The following ATP8B4 variants were observed in gnomAD, a reference collection of about 807,000 sequenced individuals.
ATP8B4 encodes the protein ATPase phospholipid transporting 8B4 (putative).
Under a neutral mutation model 145.6 loss-of-function variants are expected in ATP8B4, and 133 were observed. That is an observed-to-expected ratio of 0.91 (90% CI 0.79 to 1.05). The LOEUF is 1.05. ATP8B4 is among the 50% of genes least tolerant of loss of function. The pLI is 0.00. For synonymous variants in ATP8B4, 507 were observed against 492.9 expected (o/e 1.03, Z -0.38); for missense variants, 1,458 against 1,425.2 (o/e 1.02, Z -0.37).
In ATP8B4 at chr15:49,860,433, T is replaced by C. The variant is rs1012401339; in HGVS notation, c.3340A>G (p.Ser1114Gly). The C allele has an allele frequency of 6.2e-7, 1 of 1,613,612 alleles. No individual in the cohort carries two copies. Among genetic ancestry groups the C allele is most frequent in the Non-Finnish European group, 8.5e-7 (1 of 1,179,878 alleles). The part of the protein sequence containing the change: ...QKAQKKARPP[S>G]SRRPRTRRSS... ...CTGCGGGTCCGAGGCCTTCGGCTAC[T>C]TGGAGGCCTTGCCTTCTTTTGAGCC... is the stretch of plus-strand genomic sequence containing the variant. Residue 1114 changes from serine to glycine, a missense_variant, in exon 28 of 28, where the codon AGT becomes GGT. Physicochemically the swap from Ser to Gly is moderately conservative, Grantham distance 56. Coordinates refer to ENST00000284509, the MANE Select transcript of ATP8B4 (RefSeq NM_024837.4).
intron 14 of ATP8B4, among the ~76,000 whole-genome samples, chr15:49,951,240 GCTGAATATC>G (rs2043074411): frequency 6.6e-6 from 1 of 152,146 alleles, no homozygotes; most frequent in Non-Finnish European, 1.5e-5. Flanking sequence ...GAGTTCAAGT[GCTGAATATC>G]CTTGGTAATT....
At chr15:49,880,428 G>A (rs2035208611) in intron 23 of ATP8B4, 1 of 152,250 alleles carries the variant, frequency 6.6e-6, no homozygotes, top group African/African-American at 2.4e-5. Context: ...TGGCCCAGTT[G>A]GGTAGAGCAG....
intron 1 of ATP8B4, among the ~76,000 whole-genome samples, chr15:50,163,568 C>G (rs2044552138): frequency 6.6e-6 from 1 of 152,238 alleles, no homozygotes; most frequent in Non-Finnish European, 1.5e-5. Context: ...AGAGACTGAA[C>G]TGGGTTGGTC....
At chr15:50,086,099 TAATAA>T (rs1208251957) in intron 2 of ATP8B4, among the ~76,000 whole-genome samples, 2 of 113,986 alleles carry the variant, frequency 1.8e-5, no homozygotes, top group Non-Finnish European at 3.2e-5. Context: ...TTATTATATA[TAATAA>T]AATAAATATA....
intron 23 of ATP8B4, among the ~76,000 whole-genome samples, chr15:49,888,378 G>T (rs1222199614): frequency 6.6e-6 from 1 of 151,984 alleles, no homozygotes; most frequent in Non-Finnish European, 1.5e-5. Context: ...CAGAACTAAA[G>T]TTTTTCCAGC....
At chr15:49,914,831 T>C (rs1035552578) in intron 20 of ATP8B4, among the ~76,000 whole-genome samples, 4 of 152,028 alleles carry the variant, frequency 2.6e-5, no homozygotes, top group Non-Finnish European at 5.9e-5. Context: ...CAGATGCTGG[T>C]AAAGGGAGCT....
chr15:49,961,581 T>C (rs574663982), intron 14 of ATP8B4, among the ~76,000 whole-genome samples: 2 of 152,184 alleles, frequency 1.3e-5, no homozygotes, highest in Non-Finnish European at 2.9e-5. Flanking sequence ...AACATCAATA[T>C]AACAAAATAC....
chr15:49,987,344 T>G, intron 10 of ATP8B4, 47 bp downstream of exon 10: 8 of 1,588,900 alleles, frequency 5.0e-6, no homozygotes, highest in African/African-American at 1.3e-5. Context: ...CTGGTGTACG[T>G]TGCAGGAAAG....
chr15:49,882,930 T>C (rs1053821042), intron 23 of ATP8B4, among the ~76,000 whole-genome samples: 2 of 152,204 alleles, frequency 1.3e-5, no homozygotes, highest in African/African-American at 2.4e-5. Flanking sequence ...TTACCAATGA[T>C]AAAAAATTTA....
At chr15:50,031,785 C>T (rs1287967008) in intron 6 of ATP8B4, among the ~76,000 whole-genome samples, 1 of 151,892 alleles carries the variant, frequency 6.6e-6, no homozygotes, top group East Asian at 1.9e-4. Flanking sequence ...ATGCCTCTAA[C>T]CTGGAAGTAC....
chr15:50,068,025 T>G (rs2053496576), intron 3 of ATP8B4, among the ~76,000 whole-genome samples: 1 of 152,146 alleles, frequency 6.6e-6, no homozygotes, highest in Non-Finnish European at 1.5e-5. Context: ...ATTTTCCTGT[T>G]AAGCCAGTCT....
At chr15:50,041,839 C>G (rs1282350868) in intron 5 of ATP8B4, among the ~76,000 whole-genome samples, 2 of 152,184 alleles carry the variant, frequency 1.3e-5, no homozygotes, top group Non-Finnish European at 2.9e-5. Flanking sequence ...ACTCAGGAGG[C>G]TGAGGCAGGA....
intron 20 of ATP8B4, among the ~76,000 whole-genome samples, chr15:49,916,312 G>T (rs569320966): frequency 6.6e-6 from 1 of 151,998 alleles, no homozygotes; most frequent in Non-Finnish European, 1.5e-5. Flanking sequence ...CAGCACTTAC[G>T]TATTTTCTGG....
intron 9 of ATP8B4, 151 bp downstream of exon 9, chr15:49,996,526 T>C (rs1034912338): frequency 5.1e-6 from 3 of 591,352 alleles, no homozygotes; most frequent in Admixed American, 2.8e-5. Flanking sequence ...TTACTCTTTT[T>C]AGCGTGCGAA....
intron 3 of ATP8B4, among the ~76,000 whole-genome samples, chr15:50,064,465 A>T (rs1486867129): frequency 2.0e-5 from 3 of 152,116 alleles, no homozygotes. Context: ...AAGCAAAAAC[A>T]TCCTTACAAA....
At chr15:50,038,151 A>C (rs1041933160) in intron 6 of ATP8B4, among the ~76,000 whole-genome samples, 3 of 151,800 alleles carry the variant, frequency 2.0e-5, no homozygotes, top group Admixed American at 2.0e-4. Flanking sequence ...GATGGAAAGA[A>C]GTTTTAAAAT....
rs113753478 is a variant in ATP8B4, at chr15:50,127,071, G to A, written c.-42-20063C>T. Among the ~76,000 whole-genome samples the A allele has an allele frequency of 2.7e-3, 411 of 152,234 alleles. 5 individuals are homozygous for A. The highest frequency in any genetic ancestry group is 9.4e-3 in the African/African-American group (392 of 41,524). On this transcript the variant is annotated intron_variant, in intron 1 of 3. Coordinates refer to the ATP8B4 transcript ENST00000558829. ...AACAAATCTTAACCAATCGCAGATCGGGAAATCTTTGAATCTACCTGTAAC... is the reference window on the plus strand; with the variant it reads ...AACAAATCTTAACCAATCGCAGATCAGGAAATCTTTGAATCTACCTGTAAC...
At chr15:50,054,142 T>C (rs964350928) in intron 3 of ATP8B4, among the ~76,000 whole-genome samples, 1 of 152,252 alleles carries the variant, frequency 6.6e-6, no homozygotes, top group Admixed American at 6.5e-5. Flanking sequence ...CCAGCTATGC[T>C]ACAGTAATAA....
intron 14 of ATP8B4, among the ~76,000 whole-genome samples, chr15:49,944,319 C>A (rs1040781439): frequency 7.9e-5 from 12 of 152,066 alleles, no homozygotes; most frequent in Admixed American, 7.9e-4. Flanking sequence ...ATGCTGCCTG[C>A]AAGAAACTCA....
Sources: allele counts gnomAD v4.1 joint callset (sites outside exome capture counted in the v4.1 genomes callset), GRCh38; gene constraint gnomAD v4.1.1; transcripts MANE v1.5; gene names NCBI Gene and HGNC (gene_info 2026-07-23, HGNC 2026-07-21).